AFF3: variants seen among roughly 807,000 people sequenced by gnomAD.
AFF3 encodes ALF transcription elongation factor 3.
Under a neutral mutation model 129.7 loss-of-function variants are expected in AFF3, and 32 were observed. That is an observed-to-expected ratio of 0.25 (90% CI 0.19 to 0.33). The LOEUF is 0.33. AFF3 is among the 10% of genes least tolerant of loss of function. The pLI is 1.00. For missense variants in AFF3, 1,373 were observed against 1,592.0 expected, an observed-to-expected ratio of 0.86 and a Z score of 2.34; for synonymous variants, 644 against 635.4, an observed-to-expected ratio of 1.01 and a Z score of -0.20.
At chr2:99,987,373 A>T (rs1679969533) in intron 7 of AFF3, among the ~76,000 whole-genome samples, 1 of 152,184 alleles carries the variant, frequency 6.6e-6, no homozygotes, top group African/African-American at 2.4e-5. Context: ...AACTGCAATG[A>T]CTGCAGAAAT....
intron 11 of AFF3, among the ~76,000 whole-genome samples, chr2:99,723,361 T>A (rs1679077908): frequency 6.6e-6 from 1 of 152,176 alleles, no homozygotes; most frequent in African/African-American, 2.4e-5. Flanking sequence ...GGAAATAAGC[T>A]CTTCTGTTTG....
chr2:99,676,854 T>G (rs1175416862), intron 11 of AFF3, among the ~76,000 whole-genome samples: 1 of 152,156 alleles, frequency 6.6e-6, no homozygotes, highest in Non-Finnish European at 1.5e-5. Flanking sequence ...TCAGCCCCAG[T>G]GCACGGAGAG....
intron 13 of AFF3, among the ~76,000 whole-genome samples, chr2:99,643,081 A>T (rs2105518479): frequency 9.4e-6 from 1 of 106,350 alleles, no homozygotes; most frequent in Non-Finnish European, 1.8e-5. Flanking sequence ...TTTTTTTGAG[A>T]CAGAGTCTCG....
chr2:99,645,215 TGGGCAGGGCACG>T (rs1201968005), intron 13 of AFF3, among the ~76,000 whole-genome samples: 1 of 152,082 alleles, frequency 6.6e-6, no homozygotes, highest in African/African-American at 2.4e-5. Context: ...ACCATGGCAC[TGGGCAGGGCACG>T]GGGAGAGCTG....
intron 24 of AFF3, among the ~76,000 whole-genome samples, chr2:99,553,693 C>G (rs1674619395): frequency 6.6e-6 from 1 of 151,778 alleles, no homozygotes; most frequent in African/African-American, 2.4e-5. Context: ...GCAGGCAGAT[C>G]ACGAGGTCAA....
chr2:99,601,988 C>G (rs1164748215), intron 13 of AFF3, among the ~76,000 whole-genome samples: 2 of 152,134 alleles, frequency 1.3e-5, no homozygotes, highest in Admixed American at 1.3e-4. Context: ...TACAAAAATG[C>G]AAGGAAATCC....
At chr2:99,961,389 G>A (rs188977247) in intron 7 of AFF3, among the ~76,000 whole-genome samples, 68 of 152,120 alleles carry the variant, frequency 4.5e-4, no homozygotes, top group Non-Finnish European at 1.2e-4. Context: ...TTCCTCCCTC[G>A]GGGGCCCCGG....
chr2:99,874,597 A>AT (rs1223754920), intron 7 of AFF3, among the ~76,000 whole-genome samples: 23 of 152,142 alleles, frequency 1.5e-4, no homozygotes, highest in African/African-American at 5.3e-4. Context: ...AACTTGTGTG[A>AT]TTTTTTTAAG....
intron 8 of AFF3, among the ~76,000 whole-genome samples, chr2:99,819,875 C>A (rs1366687846): frequency 6.6e-6 from 1 of 152,200 alleles, no homozygotes; most frequent in Non-Finnish European, 1.5e-5. Context: ...TTACCTTCCC[C>A]CTCCTGGGGA....
intron 8 of AFF3, among the ~76,000 whole-genome samples, chr2:99,784,887 A>G (rs9967704): frequency 0.72 from 109,401 of 152,080 alleles, 40,955 homozygotes; most frequent in South Asian, 0.9. Flanking sequence ...ACTCATGATA[A>G]CCTGATCAGG....
At chr2:100,128,010 G>A (rs1274187710) in intron 2 of AFF3, among the ~76,000 whole-genome samples, 2 of 152,140 alleles carry the variant, frequency 1.3e-5, no homozygotes, top group Non-Finnish European at 1.5e-5. Context: ...AGATGGCCAT[G>A]AGAGTGACCT....
At chr2:100,062,289 G>T (rs1189516079) in intron 4 of AFF3, among the ~76,000 whole-genome samples, 3 of 152,186 alleles carry the variant, frequency 2.0e-5, no homozygotes, top group African/African-American at 4.8e-5. Context: ...CATGTGGAAG[G>T]CCCTTTAAAA....
intron 7 of AFF3, among the ~76,000 whole-genome samples, chr2:99,919,395 AGAATGGGTTGTC>A (rs1275372655): frequency 3.3e-5 from 5 of 152,138 alleles, no homozygotes; most frequent in South Asian, 4.1e-4. Flanking sequence ...TGCCAGTTCT[AGAATGGGTTGTC>A]GAATACGGGA....
At chr2:99,622,307 G>T (rs746893515) in intron 13 of AFF3, among the ~76,000 whole-genome samples, 1 of 152,148 alleles carries the variant, frequency 6.6e-6, no homozygotes, top group Non-Finnish European at 1.5e-5. Context: ...ACGTGCAGAC[G>T]CTGAGAATGA....
intron 20 of AFF3, among the ~76,000 whole-genome samples, chr2:99,563,911 G>C (rs956615963): frequency 6.6e-6 from 1 of 151,094 alleles, no homozygotes; most frequent in African/African-American, 2.4e-5. Context: ...CGATTCTGAA[G>C]TATCTAGAAG....
chr2:99,688,421 G>A (rs1035726324), intron 11 of AFF3, among the ~76,000 whole-genome samples: 1 of 152,168 alleles, frequency 6.6e-6, no homozygotes, highest in Non-Finnish European at 1.5e-5. Flanking sequence ...ACCAGCAAAA[G>A]CAGTATACTT....
intron 13 of AFF3, among the ~76,000 whole-genome samples, chr2:99,605,515 T>C (rs993846455): frequency 2.0e-5 from 3 of 152,200 alleles, no homozygotes; most frequent in Non-Finnish European, 4.4e-5. Flanking sequence ...TGGGGTCAGC[T>C]GACCATTCTG....
chr2:99,836,856 C>T (rs1051180724), intron 8 of AFF3, among the ~76,000 whole-genome samples: 10 of 151,842 alleles, frequency 6.6e-5, no homozygotes, highest in Non-Finnish European at 1.5e-4. Flanking sequence ...GGGTTGATGA[C>T]GACATCCTGA....
intron 12 of AFF3, among the ~76,000 whole-genome samples, chr2:99,652,117 T>C (rs986443678): frequency 2.6e-5 from 4 of 152,112 alleles, no homozygotes; most frequent in African/African-American, 9.7e-5. Flanking sequence ...GAGTAAATGT[T>C]AGAGGGATGA....
Sources: gnomAD v4.1 joint callset for allele counts (sites outside exome capture counted in the v4.1 genomes callset) on GRCh38, gnomAD v4.1.1 for gene constraint, MANE v1.5 for transcripts, NCBI Gene and HGNC (gene_info 2026-07-23, HGNC 2026-07-21) for gene names.